The following MGAT4C variants were observed in gnomAD, a reference collection of about 807,000 sequenced individuals.
MGAT4C encodes the protein MGAT4 family member C.
In MGAT4C, 19 loss-of-function variants were observed where a neutral mutation model predicts 40.1. That is an observed-to-expected ratio of 0.47 (90% confidence interval 0.33 to 0.70). The LOEUF is 0.70. Ranked by LOEUF, MGAT4C falls within the 30% of genes least tolerant of loss-of-function variation. The pLI is 0.02. For synonymous variants in MGAT4C, 181 were observed against 187.1 expected (o/e 0.97, Z 0.27); for missense variants, 491 against 563.2 (o/e 0.87, Z 1.30).
chr12:86,267,108 C>A lies in MGAT4C; in HGVS notation c.-57+66957G>T, dbSNP rs184306824. On this transcript the variant is annotated intron_variant, in intron 4 of 7. Transcript: ENST00000548651. ...TTTTTTGGTCTTTTTTCATTTAGAT[C>A]GGCTCTGACTTTGTTATTTCTTTTC... 2.0e-5 allele frequency among the ~76,000 whole-genome samples: 3 copies of A among 151,298 alleles called. No homozygotes were observed. The East Asian group carries it at 5.8e-4, about 29-fold the overall frequency.
intron 1 of MGAT4C, among the ~76,000 whole-genome samples, chr12:86,731,852 A>T (rs1273266547): frequency 2.0e-5 from 3 of 152,126 alleles, no homozygotes. Context: ...TCAGGCTGCA[A>T]TCCAACATAA....
intron 2 of MGAT4C, among the ~76,000 whole-genome samples, chr12:86,690,873 TAC>T (rs1950159888): frequency 6.6e-6 from 1 of 152,186 alleles, no homozygotes; most frequent in South Asian, 2.1e-4. Flanking sequence ...AGCTTTATAT[TAC>T]AGTTTAGACT....
At chr12:86,080,479 G>T (rs2135541167) in intron 1 of MGAT4C, among the ~76,000 whole-genome samples, 1 of 152,184 alleles carries the variant, frequency 6.6e-6, no homozygotes, top group South Asian at 2.1e-4. Context: ...AGAAATACCT[G>T]AAAATATGTG....
intron 2 of MGAT4C, among the ~76,000 whole-genome samples, chr12:86,584,956 CT>C: frequency 6.6e-6 from 1 of 151,346 alleles, no homozygotes; most frequent in South Asian, 2.1e-4. Context: ...TGTTAAATAT[CT>C]CATATAGCAG....
intron 2 of MGAT4C, among the ~76,000 whole-genome samples, chr12:86,652,069 T>C (rs1336441228): frequency 1.3e-5 from 2 of 151,888 alleles, no homozygotes; most frequent in African/African-American, 4.8e-5. Flanking sequence ...AACTTCATAA[T>C]AAGTAGTTTT....
intron 3 of MGAT4C, among the ~76,000 whole-genome samples, chr12:86,358,424 A>G (rs1188631176): frequency 1.3e-5 from 2 of 152,100 alleles, no homozygotes; most frequent in African/African-American, 4.8e-5. Flanking sequence ...ATCAACTAAC[A>G]AGCAAAATAA....
rs992959940 is a variant in MGAT4C at position 86,303,376 on chromosome 12, C to A, written c.-57+30689G>T. ...TGGATATATTTATAAGCTATTAAAT[C>A]TTTAAAGGAGACCATTAGCTGCATT... On this transcript the variant is annotated intron_variant, in intron 4 of 7. Coordinates refer to the MGAT4C transcript ENST00000548651. 5.2e-4 allele frequency among the ~76,000 whole-genome samples: 78 copies of A among 150,380 alleles called. 5 individuals carry two copies. Among genetic ancestry groups the A allele is most frequent in the African/African-American group, 1.9e-3 (77 of 39,840 alleles).
At chr12:86,617,254 G>A (rs552661725) in intron 2 of MGAT4C, among the ~76,000 whole-genome samples, 1 of 152,192 alleles carries the variant, frequency 6.6e-6, no homozygotes, top group African/African-American at 2.4e-5. Flanking sequence ...TTTAGTATTT[G>A]TGCAATTTTA....
chr12:86,713,919 A>G (rs987745243), intron 2 of MGAT4C, among the ~76,000 whole-genome samples: 1 of 151,806 alleles, frequency 6.6e-6, no homozygotes, highest in African/African-American at 2.4e-5. Flanking sequence ...CATTTATTAT[A>G]TTGGCCTGTG....
At chr12:86,531,118 T>C (rs1056062155) in intron 2 of MGAT4C, among the ~76,000 whole-genome samples, 1 of 152,062 alleles carries the variant, frequency 6.6e-6, no homozygotes, top group African/African-American at 2.4e-5. Context: ...TGACAACAAA[T>C]TTTATCTTTG....
At chr12:86,275,461 A>G (rs990348342) in intron 4 of MGAT4C, among the ~76,000 whole-genome samples, 3 of 152,208 alleles carry the variant, frequency 2.0e-5, no homozygotes, top group African/African-American at 4.8e-5. Context: ...TAGTTGGATA[A>G]TGACCCCCGA....
intron 1 of MGAT4C, among the ~76,000 whole-genome samples, chr12:86,807,148 A>C (rs1228825742): frequency 2.6e-5 from 4 of 152,010 alleles, no homozygotes; most frequent in Admixed American, 1.3e-4. Flanking sequence ...CCTGGTGTAC[A>C]TGTGCAGGAT....
chr12:86,109,227 C>G (rs116382742), intron 1 of MGAT4C, among the ~76,000 whole-genome samples: 1 of 152,082 alleles, frequency 6.6e-6, no homozygotes. Flanking sequence ...TCTTCTAAGA[C>G]AATTTGTAAT....
chr12:86,585,989 G>A (rs1167932340), intron 2 of MGAT4C, among the ~76,000 whole-genome samples: 2 of 148,536 alleles, frequency 1.3e-5, no homozygotes, highest in Non-Finnish European at 3.0e-5. Context: ...TAGGGTACAT[G>A]TGCACAATGT....
intron 2 of MGAT4C, among the ~76,000 whole-genome samples, chr12:86,561,605 G>A (rs1375019711): frequency 2.0e-5 from 3 of 152,088 alleles, no homozygotes; most frequent in Non-Finnish European, 2.9e-5. Context: ...CCAGATTGAA[G>A]GCTCCACTCA....
At chr12:86,588,516 C>T (rs7485674) in intron 2 of MGAT4C, among the ~76,000 whole-genome samples, 133,931 of 151,838 alleles carry the variant, frequency 0.88, 59,341 homozygotes, top group East Asian at 1. Context: ...TTAACAAGGA[C>T]ACCCAGGAAT....
At chr12:86,453,677 G>A (rs1957463273) in intron 2 of MGAT4C, among the ~76,000 whole-genome samples, 1 of 151,990 alleles carries the variant, frequency 6.6e-6, no homozygotes, top group African/African-American at 2.4e-5. Context: ...TTGACAGGAG[G>A]GACAAGTCTC....
intron 2 of MGAT4C, among the ~76,000 whole-genome samples, chr12:86,492,269 CT>C (rs1186039597): frequency 6.6e-6 from 1 of 152,178 alleles, no homozygotes; most frequent in African/African-American, 2.4e-5. Flanking sequence ...CTACCAATGA[CT>C]TTCTTCACAG....
At chr12:86,786,365 T>C (rs1371058175) in intron 1 of MGAT4C, among the ~76,000 whole-genome samples, 1 of 152,092 alleles carries the variant, frequency 6.6e-6, no homozygotes, top group African/African-American at 2.4e-5. Context: ...AAAGAAATAG[T>C]AGAAATTGAG....
Sources: gnomAD v4.1 joint callset for allele counts (sites outside exome capture counted in the v4.1 genomes callset) on GRCh38, gnomAD v4.1.1 for gene constraint, MANE v1.5 for transcripts, NCBI Gene and HGNC (gene_info 2026-07-23, HGNC 2026-07-21) for gene names.